EYS: variants seen among roughly 807,000 people sequenced by gnomAD.
EYS encodes the protein protein eyes shut homolog.
A neutral mutation model predicts 282.1 loss-of-function variants in EYS; 250 were observed. The ratio of observed to expected loss-of-function variants is 0.89; its 90% CI spans 0.80 to 0.98. The LOEUF is 0.98. Ranked by LOEUF, EYS falls within the 50% of genes least tolerant of loss-of-function variation. The pLI is 0.00. For synonymous variants in EYS, 1,355 were observed against 1,282.9 expected (o/e 1.06, Z -1.20); for missense variants, 4,016 against 3,709.0 (o/e 1.08, Z -2.15).
At chr6:65,516,377 T>C (rs1464103194) in intron 2 of EYS, among the ~76,000 whole-genome samples, 2 of 152,130 alleles carry the variant, frequency 1.3e-5, no homozygotes, top group Non-Finnish European at 2.9e-5. Context: ...TAAGTACTTT[T>C]AATGATGATA....
intron 26 of EYS, among the ~76,000 whole-genome samples, chr6:64,526,565 A>T (rs534852945): frequency 2.0e-5 from 3 of 151,874 alleles, no homozygotes; most frequent in Non-Finnish European, 4.4e-5. Context: ...CTGTTACATT[A>T]TTATGTATGT....
chr6:64,420,357 C>A (rs1192814145), intron 28 of EYS, among the ~76,000 whole-genome samples: 1 of 152,130 alleles, frequency 6.6e-6, no homozygotes, highest in African/African-American at 2.4e-5. Flanking sequence ...GTTGGGAGGA[C>A]CTGCTGTGAA....
intron 26 of EYS, among the ~76,000 whole-genome samples, chr6:64,538,067 C>T (rs189161988): frequency 1.0e-3 from 158 of 152,164 alleles, no homozygotes; most frequent in Non-Finnish European, 2.1e-3. Flanking sequence ...AGCTAGGATG[C>T]ATTAAAAAAT....
chr6:63,958,801 G>C (rs1029940132), intron 35 of EYS, among the ~76,000 whole-genome samples: 1 of 152,104 alleles, frequency 6.6e-6, no homozygotes, highest in Non-Finnish European at 1.5e-5. Flanking sequence ...CAGCAAAAAA[G>C]CCTGGATTAC....
intron 26 of EYS, among the ~76,000 whole-genome samples, chr6:64,453,801 G>T (rs573433074): frequency 1.3e-5 from 2 of 152,180 alleles, no homozygotes; most frequent in African/African-American, 4.8e-5. Flanking sequence ...GGTGGGAATT[G>T]AACAATGAGA....
chr6:65,258,533 CA>C (rs2150256372), intron 12 of EYS, among the ~76,000 whole-genome samples: 1 of 152,106 alleles, frequency 6.6e-6, no homozygotes, highest in East Asian at 1.9e-4. Context: ...GTATATGTCA[CA>C]AGCTGTGGGG....
chr6:64,712,945 A>G (rs1168911929), intron 22 of EYS, among the ~76,000 whole-genome samples: 1 of 152,204 alleles, frequency 6.6e-6, no homozygotes. Flanking sequence ...CATCAAAACA[A>G]CTATTAGAAG....
At chr6:65,243,915 G>A (rs1219121908) in intron 12 of EYS, among the ~76,000 whole-genome samples, 1 of 152,026 alleles carries the variant, frequency 6.6e-6, no homozygotes, top group African/African-American at 2.4e-5. Context: ...AAAGTAATTT[G>A]TTTTTAAAGT....
At chr6:63,849,351 AC>A in intron 36 of EYS, among the ~76,000 whole-genome samples, 1 of 152,040 alleles carries the variant, frequency 6.6e-6, no homozygotes, top group African/African-American at 2.4e-5. Flanking sequence ...GGGACAGACT[AC>A]CTCCTCAAAT....
intron 12 of EYS, among the ~76,000 whole-genome samples, chr6:65,098,280 G>A (rs1581908355): frequency 6.6e-6 from 1 of 150,724 alleles, no homozygotes; most frequent in South Asian, 2.1e-4. Context: ...TGAGTAAAAG[G>A]GTTAGCGCAC....
At chr6:64,475,769 T>C (rs965813950) in intron 26 of EYS, among the ~76,000 whole-genome samples, 3 of 152,076 alleles carry the variant, frequency 2.0e-5, no homozygotes, top group Admixed American at 6.6e-5. Context: ...ATTTGTATGA[T>C]TGTTGTATTA....
intron 5 of EYS, among the ~76,000 whole-genome samples, chr6:65,439,191 G>C (rs900721232): frequency 1.3e-5 from 2 of 152,002 alleles, no homozygotes; most frequent in Non-Finnish European, 2.9e-5. Flanking sequence ...TCTGAGGGCT[G>C]TGTTCTGTTC....
At chr6:64,173,477 G>T (rs1764540261) in intron 31 of EYS, among the ~76,000 whole-genome samples, 1 of 152,102 alleles carries the variant, frequency 6.6e-6, no homozygotes, top group South Asian at 2.1e-4. Context: ...AGTTTCATGT[G>T]AAAACTTGAA....
chr6:65,388,046 G>A (rs1429169888), intron 7 of EYS, among the ~76,000 whole-genome samples: 1 of 152,014 alleles, frequency 6.6e-6, no homozygotes, highest in Non-Finnish European at 1.5e-5. Flanking sequence ...ACTGTGACTT[G>A]TGTGGGCATA....
At chr6:65,560,306 T>G (rs1030347993) in intron 2 of EYS, among the ~76,000 whole-genome samples, 4 of 128,126 alleles carry the variant, frequency 3.1e-5, no homozygotes, top group African/African-American at 1.5e-4. Flanking sequence ...TATAATAATA[T>G]ATAATATATT....
chr6:64,314,141 C>T (rs1769838226), intron 29 of EYS, among the ~76,000 whole-genome samples: 1 of 128,718 alleles, frequency 7.8e-6, no homozygotes, highest in South Asian at 2.6e-4. Flanking sequence ...TGCAGAGACA[C>T]ACACAGGCTC....
intron 14 of EYS, among the ~76,000 whole-genome samples, chr6:64,955,419 G>A (rs1769665092): frequency 6.6e-6 from 1 of 152,128 alleles, no homozygotes; most frequent in Non-Finnish European, 1.5e-5. Flanking sequence ...GACATAGTTA[G>A]AGGCTGGCTA....
At chr6:64,262,137 T>C (rs2150353512) in intron 30 of EYS, among the ~76,000 whole-genome samples, 1 of 152,182 alleles carries the variant, frequency 6.6e-6, no homozygotes, top group African/African-American at 2.4e-5. Flanking sequence ...TTCCTAACAA[T>C]GTGCCCATGA....
At chr6:65,123,567 G>A (rs1775627180) in intron 12 of EYS, among the ~76,000 whole-genome samples, 1 of 152,246 alleles carries the variant, frequency 6.6e-6, no homozygotes, top group East Asian at 1.9e-4. Context: ...TCAAACCTAT[G>A]AAATAATTGC....
Sources: allele counts gnomAD v4.1 joint callset (sites outside exome capture counted in the v4.1 genomes callset), GRCh38; gene constraint gnomAD v4.1.1; transcripts MANE v1.5; gene names NCBI Gene and HGNC (gene_info 2026-07-23, HGNC 2026-07-21).